QTMAN: variants seen among roughly 807,000 people sequenced by gnomAD.
The protein encoded by QTMAN is tRNA-queuosine alpha-mannosyltransferase.
chr2:143,977,427 G>C, the QTMAN span, among the ~76,000 whole-genome samples: 1 of 152,304 alleles, frequency 6.6e-6, no homozygotes, highest in African/African-American at 2.4e-5. Context: ...GAGGAGAACA[G>C]AGCTCTGAGA....
the QTMAN span, among the ~76,000 whole-genome samples, chr2:144,214,491 T>C: frequency 2.6e-5 from 4 of 152,332 alleles, no homozygotes; most frequent in South Asian, 6.2e-4. Flanking sequence ...TAACTAACAC[T>C]TGATGGATAC....
the QTMAN span, among the ~76,000 whole-genome samples, chr2:144,109,148 T>A: frequency 1.3e-5 from 2 of 152,152 alleles, no homozygotes; most frequent in African/African-American, 4.8e-5. Context: ...CAAACTATAC[T>A]ACAAGGCTAC....
At chr2:143,970,773 A>T in the QTMAN span, 2 of 1,368,278 alleles carry the variant, frequency 1.5e-6, no homozygotes, top group Non-Finnish European at 2.1e-6. Flanking sequence ...CTGGAAATAA[A>T]CACACAAAAT....
the QTMAN span, among the ~76,000 whole-genome samples, chr2:143,955,501 A>G: frequency 6.6e-6 from 1 of 152,188 alleles, no homozygotes; most frequent in South Asian, 2.1e-4. Context: ...CATCATGAAT[A>G]AACTATTGAA....
the QTMAN span, among the ~76,000 whole-genome samples, chr2:144,176,754 A>T: frequency 6.6e-6 from 1 of 152,198 alleles, no homozygotes; most frequent in Non-Finnish European, 1.5e-5. Context: ...ATGTTAAACT[A>T]CTACTGAAGG....
At chr2:144,209,771 T>C in the QTMAN span, among the ~76,000 whole-genome samples, 1 of 152,246 alleles carries the variant, frequency 6.6e-6, no homozygotes, top group African/African-American at 2.4e-5. Context: ...CATCATTCCA[T>C]GCATAAATGC....
chr2:144,068,132 C>T, the QTMAN span, among the ~76,000 whole-genome samples: 1 of 152,150 alleles, frequency 6.6e-6, no homozygotes, highest in East Asian at 1.9e-4. Flanking sequence ...AACATACACA[C>T]ATACACACAC....
chr2:144,298,684 C>T, the QTMAN span, among the ~76,000 whole-genome samples: 2 of 152,174 alleles, frequency 1.3e-5, no homozygotes, highest in African/African-American at 4.8e-5. Flanking sequence ...CCTGAGTTTT[C>T]TGAGCCCACC....
chr2:144,054,253 G>C, the QTMAN span, among the ~76,000 whole-genome samples: 1 of 152,098 alleles, frequency 6.6e-6, no homozygotes, highest in South Asian at 2.1e-4. Context: ...TAGAACAAAA[G>C]AGAAAGACTG....
the QTMAN span, among the ~76,000 whole-genome samples, chr2:144,044,447 C>T: frequency 6.6e-6 from 1 of 152,026 alleles, no homozygotes; most frequent in African/African-American, 2.4e-5. Context: ...TGAGGAGGGC[C>T]ATGCTTCCCC....
chr2:144,188,508 CGGATGGAT>C, the QTMAN span, among the ~76,000 whole-genome samples: 3,864 of 148,676 alleles, frequency 0.026, 58 homozygotes, highest in Middle Eastern at 0.038. Context: ...CTTTTGCAAT[CGGATGGAT>C]GGATGGATGG....
the QTMAN span, among the ~76,000 whole-genome samples, chr2:144,293,704 T>C: frequency 2.0e-5 from 3 of 152,210 alleles, no homozygotes; most frequent in Non-Finnish European, 4.4e-5. Flanking sequence ...GCGTAATAAC[T>C]AATTATCTCA....
chr2:144,049,632 G>A, the QTMAN span, among the ~76,000 whole-genome samples: 2 of 152,124 alleles, frequency 1.3e-5, no homozygotes, highest in Non-Finnish European at 2.9e-5. Flanking sequence ...GCAACTTTCT[G>A]AGATTTTAAA....
chr2:144,259,071 G>A, the QTMAN span, among the ~76,000 whole-genome samples: 3 of 152,216 alleles, frequency 2.0e-5, no homozygotes, highest in African/African-American at 7.2e-5. Context: ...AGATAGGACA[G>A]TCAGTGGATG....
the QTMAN span, among the ~76,000 whole-genome samples, chr2:144,078,804 C>T: frequency 0.011 from 1,744 of 152,202 alleles, 36 homozygotes; most frequent in African/African-American, 0.038. Context: ...TTTGTTCTAA[C>T]ACATTTACAT....
the QTMAN span, among the ~76,000 whole-genome samples, chr2:143,953,139 G>C: frequency 6.6e-6 from 1 of 151,660 alleles, no homozygotes; most frequent in African/African-American, 2.4e-5. Context: ...TTTATAATCA[G>C]CAGATAAACA....
At chr2:144,271,156 G>T in the QTMAN span, among the ~76,000 whole-genome samples, 1 of 152,084 alleles carries the variant, frequency 6.6e-6, no homozygotes. Context: ...TCATAGGAAG[G>T]GTAAGTGTAA....
the QTMAN span, among the ~76,000 whole-genome samples, chr2:143,999,788 T>C: frequency 1.3e-5 from 2 of 152,096 alleles, no homozygotes; most frequent in African/African-American, 4.8e-5. Flanking sequence ...CATACCATAA[T>C]GAAACAGCGT....
the QTMAN span, among the ~76,000 whole-genome samples, chr2:143,974,011 A>T: frequency 1.3e-5 from 2 of 152,198 alleles, no homozygotes; most frequent in East Asian, 3.8e-4. Context: ...TACTATGTGA[A>T]TCTGTCTTAA....
Sources: gnomAD v4.1 joint callset for allele counts (sites outside exome capture counted in the v4.1 genomes callset) on GRCh38, gnomAD v4.1.1 for gene constraint, MANE v1.5 for transcripts, NCBI Gene and HGNC (gene_info 2026-07-23, HGNC 2026-07-21) for gene names.